The following PDZD2 variants were observed in gnomAD, a reference collection of about 807,000 sequenced individuals.
The protein encoded by PDZD2 is PDZ domain-containing protein 2.
Under a neutral mutation model 220.7 loss-of-function variants are expected in PDZD2, and 90 were observed. The ratio of observed to expected loss-of-function variants is 0.41; its 90% CI spans 0.34 to 0.49. The LOEUF (loss-of-function observed/expected upper bound fraction) is 0.49. PDZD2 is among the 20% of genes least tolerant of loss of function. The pLI is 0.28. For missense variants in PDZD2, 3,174 were observed against 3,608.5 expected (o/e 0.88, Z 3.08); for synonymous variants, 1,375 against 1,450.5 (o/e 0.95, Z 1.18).
intron 2 of PDZD2, among the ~76,000 whole-genome samples, chr5:31,827,710 A>AG (rs773782623): frequency 4.4e-5 from 1 of 22,694 alleles, no homozygotes; most frequent in Non-Finnish European, 1.1e-4. Flanking sequence ...TAAATAAATA[A>AG]AAAAATAAAA....
chr5:31,871,036 A>C (rs775390622), intron 2 of PDZD2, among the ~76,000 whole-genome samples: 14 of 152,216 alleles, frequency 9.2e-5, no homozygotes, highest in Non-Finnish European at 1.9e-4. Flanking sequence ...ACTTTAAATA[A>C]ATGTTTTCTT....
chr5:32,026,138 A>ATTTTT lies in PDZD2; in HGVS notation c.1408-11082_1408-11078dup, dbSNP rs142134117. Among the ~76,000 whole-genome samples, 86 of 140,276 alleles carry ATTTTT rather than the reference A, an allele frequency of 6.1e-4. 1 individual carries two copies. The highest frequency in any genetic ancestry group is 1.8e-3 in the African/African-American group (67 of 37,768). 92.0% of individuals were successfully genotyped at this position (140,276 alleles called of 152,430 possible). ...CCTGCTAATTGTCCTGTTGACTACTATTTTTTTTTTTTTTTGGTAACAGTG... is the reference window on the plus strand; with the variant it reads ...CCTGCTAATTGTCCTGTTGACTACTATTTTTTTTTTTTTTTTTTTTGGTAACAGTG... On this transcript the variant is annotated intron_variant, in intron 6 of 24. Coordinates refer to ENST00000438447, the MANE Select transcript of PDZD2 (RefSeq NM_178140.4).
intron 2 of PDZD2, among the ~76,000 whole-genome samples, chr5:31,919,230 C>T (rs1043014344): frequency 6.6e-6 from 1 of 152,172 alleles, no homozygotes; most frequent in African/African-American, 2.4e-5. Flanking sequence ...AAAACCTCTG[C>T]AGCTACATTG....
In PDZD2 at chr5:32,109,037, ACAAG is replaced by A. The variant is rs1268375700; in HGVS notation, c.*903_*906del. On this transcript the variant is annotated 3_prime_UTR_variant, in exon 25 of 25. Coordinates refer to ENST00000438447, the MANE Select transcript of PDZD2 (RefSeq NM_178140.4). Reference sequence around the variant, plus strand: ...CAGTCCAAGAGCAGACAAAAATATCACAAGTCAGTCAGTCACTGGGTTTCCATTT... The same window carrying A: ...CAGTCCAAGAGCAGACAAAAATATCATCAGTCAGTCACTGGGTTTCCATTT... 1.0e-5 allele frequency: 1 copy of A among 100,048 alleles called. No individual in the cohort carries two copies. Among genetic ancestry groups the A allele is most frequent in the African/African-American group, 3.0e-5 (1 of 33,072 alleles). 6.2% of individuals were successfully genotyped at this position (100,048 alleles called of 1,614,324 possible).
At chr5:31,658,144 A>G (rs1267978454) in intron 1 of PDZD2, among the ~76,000 whole-genome samples, 1 of 152,178 alleles carries the variant, frequency 6.6e-6, no homozygotes, top group Non-Finnish European at 1.5e-5. Context: ...TAAGCTCATC[A>G]GATCCACAGG....
chr5:31,689,353 A>ATATATATATTTTT lies in PDZD2; in HGVS notation c.-361+49917_-361+49918insATATATATTTTTT. Among the ~76,000 whole-genome samples the ATATATATATTTTT allele has an allele frequency of 5.1e-3, 179 of 35,104 alleles. 3 individuals are homozygous for ATATATATATTTTT. The highest frequency in any genetic ancestry group is 9.7e-3 in the Admixed American group (19 of 1,962). The allele number at this position is 35,104 out of a possible 152,430, so 23.0% of individuals were successfully genotyped here. A position where few individuals can be genotyped will look rare whatever the true frequency, so the allele number is the denominator to read the frequency against. On this transcript the variant is annotated intron_variant, in intron 1 of 24. Coordinates refer to ENST00000438447, the MANE Select transcript of PDZD2 (RefSeq NM_178140.4). ...TACATATACATATATATATATATATATTTTTTTTTTTTTTTTTTTTAAGTC... is the reference window on the plus strand; with the variant it reads ...TACATATACATATATATATATATATATATATATATTTTTTTTTTTTTTTTTTTTTTTTTAAGTC...
intron 1 of PDZD2, among the ~76,000 whole-genome samples, chr5:31,661,859 T>A (rs888254920): frequency 1.4e-5 from 2 of 145,686 alleles, no homozygotes; most frequent in Admixed American, 1.4e-4. Context: ...CTGTACAAGG[T>A]GCAGGCAGGG....
rs767105769 is a variant in PDZD2 at position 32,090,827 on chromosome 5, C to T, written c.7379C>T (p.Ser2460Phe). The change falls in exon 20 of 25, where the codon TCT (serine) becomes TTT (phenylalanine). Residue 2460 changes from serine (S) to phenylalanine (F), a missense_variant. By Grantham distance (155) the Ser-to-Phe change is radical. This residue lies in a region of PDZD2 where 631 missense variants were observed against 789.9 expected (regional missense o/e 0.80). Coordinates refer to ENST00000438447, the MANE Select transcript of PDZD2 (RefSeq NM_178140.4). The surrounding 1 kb of genome is among the most constrained non-coding windows in gnomAD (Gnocchi z 4.3). ...GIPTPTMTLA[S>F]PVKRNKSSVR... ...CCCACCCCAACGATGACCCTGGCTT[C>T]TCCTGTTAAGAGGAACAAGTCCTCG... 14 of 1,614,026 alleles carry T rather than the reference C, an allele frequency of 8.7e-6. No individual in the cohort carries two copies. Among genetic ancestry groups the T allele is most frequent in the African/African-American group, 1.3e-5 (1 of 74,934 alleles).
chr5:31,881,326 A>ATATG (rs1229479758), intron 2 of PDZD2, among the ~76,000 whole-genome samples: 24 of 123,248 alleles, frequency 1.9e-4, no homozygotes, highest in South Asian at 2.8e-4. Context: ...TTCCATATAT[A>ATATG]TGTGTGTGTG....
rs1460335136 is a variant in PDZD2 at position 32,010,392 on chromosome 5, G to A, written c.1317G>A (p.Ser439=). 1.2e-6 allele frequency: 2 copies of A among 1,611,998 alleles called. No individual in the cohort carries two copies. Among genetic ancestry groups the A allele is most frequent in the Non-Finnish European group, 1.7e-6 (2 of 1,178,106 alleles). Residue 439 remains serine, a synonymous_variant, in exon 6 of 25, where the codon TCG becomes TCA. Coordinates refer to ENST00000438447, the MANE Select transcript of PDZD2 (RefSeq NM_178140.4). Reference sequence around the variant, plus strand: ...AGAGCTTGCCAGATCTGACCAGCTCGGTAGAAGATGTGTCCTCCTGGACTG... The same window carrying A: ...AGAGCTTGCCAGATCTGACCAGCTCAGTAGAAGATGTGTCCTCCTGGACTG... The part of the protein sequence containing the change: ...TSKSLPDLTS[S]VEDVSSWTDN...
intron 2 of PDZD2, among the ~76,000 whole-genome samples, chr5:31,964,809 G>A (rs1407531915): frequency 2.6e-5 from 4 of 152,096 alleles, no homozygotes; most frequent in Admixed American, 6.6e-5. Flanking sequence ...TCCGCCTCCC[G>A]GGTTCACGCC....
chr5:31,799,183 G>A lies in PDZD2; in HGVS notation c.-66G>A, dbSNP rs773398820. ...TGGCCAGGGACCCCAGGGGACGTGG[G>A]GCCCTGTGGGGTCTGGCCCCCAGGA... On this transcript the variant is annotated 5_prime_UTR_variant, in exon 2 of 25. Transcript: ENST00000438447. The A allele has an allele frequency of 1.1e-5, 12 of 1,080,222 alleles. No homozygotes were observed. Among genetic ancestry groups the A allele is most frequent in the Non-Finnish European group, 1.6e-5 (12 of 742,532 alleles). The allele number at this position is 1,080,222 out of a possible 1,614,324, so 66.9% of individuals were successfully genotyped here.
intron 23 of PDZD2, chr5:32,100,225 A>C (rs1321812653): frequency 6.4e-6 from 1 of 155,816 alleles, no homozygotes; most frequent in Non-Finnish European, 1.4e-5. Context: ...ACTGGCCTTT[A>C]TGTCCAAAGG....
At chr5:31,689,362 T>A (rs1292546187) in intron 1 of PDZD2, among the ~76,000 whole-genome samples, 5 of 120,156 alleles carry the variant, frequency 4.2e-5, no homozygotes, top group African/African-American at 1.3e-4. Context: ...TATTTTTTTT[T>A]TTTTTTTTTT....
chr5:32,044,868 A>T (rs141538433), intron 7 of PDZD2, among the ~76,000 whole-genome samples: 1,668 of 152,318 alleles, frequency 0.011, 17 homozygotes, highest in Non-Finnish European at 0.016. Context: ...CTGGAAAAGT[A>T]ATTTAGAGAC....
chr5:31,819,656 CAAAA>C (rs3032832), intron 2 of PDZD2, among the ~76,000 whole-genome samples: 6 of 110,470 alleles, frequency 5.4e-5, no homozygotes, highest in Non-Finnish European at 8.8e-5. Context: ...GACTCTGTCT[CAAAA>C]AAAAAAAAAA....
Position 32,090,919 on chromosome 5 carries a change from C to G in PDZD2, c.7471C>G (p.Pro2491Ala), listed in dbSNP as rs760388130. 2 of 1,613,858 alleles carry G rather than the reference C, an allele frequency of 1.2e-6. No individual in the cohort carries two copies. Among genetic ancestry groups the G allele is most frequent in the African/African-American group, 1.3e-5 (1 of 74,940 alleles). Reference protein sequence around the residue: ...KLQELRALSMPDLDKLCSEDY... With the variant: ...KLQELRALSMADLDKLCSEDY... ...CCAGGAGCTGAGAGCCTTGAGCATG[C>G]CTGACCTTGACAAGCTCTGCAGCGA... is the stretch of plus-strand genomic sequence containing the variant. Residue 2491 changes from proline to alanine, a missense_variant, in exon 20 of 25, where the codon CCT (proline) becomes GCT (alanine). Pro to Ala is a conservative substitution (Grantham distance 27). Transcript: ENST00000438447. This position sits in a 1 kb window ranked among gnomAD's most constrained non-coding sequence, Gnocchi z 4.3.
chr5:31,702,128 T>C (rs115101276), intron 1 of PDZD2, among the ~76,000 whole-genome samples: 179 of 152,344 alleles, frequency 1.2e-3, no homozygotes, highest in African/African-American at 4.3e-3. Flanking sequence ...GTTCTTCATA[T>C]TTACTTTCTC....
At chr5:31,818,145 G>GT (rs999767352) in intron 2 of PDZD2, among the ~76,000 whole-genome samples, 11 of 150,046 alleles carry the variant, frequency 7.3e-5, no homozygotes, top group East Asian at 5.8e-4. Flanking sequence ...AATGTTTTGT[G>GT]TTTTTTTTTA....
Sources: gnomAD v4.1 joint callset for allele counts (sites outside exome capture counted in the v4.1 genomes callset) on GRCh38, gnomAD v4.1.1 for gene constraint, gnomAD v4.1.1 regional missense constraint, Gnocchi (gnomAD v3.1) non-coding constraint, MANE v1.5 for transcripts, NCBI Gene and HGNC (gene_info 2026-07-23, HGNC 2026-07-21) for gene names.